CACNA1C: variants seen among roughly 807,000 people sequenced by gnomAD.
The protein encoded by CACNA1C is voltage-dependent L-type calcium channel subunit alpha-1C.
Under a neutral mutation model 229.0 loss-of-function variants are expected in CACNA1C, and 30 were observed. That is an observed-to-expected ratio of 0.13 (90% confidence interval 0.10 to 0.18). The LOEUF (loss-of-function observed/expected upper bound fraction) is 0.18, where lower values mean the gene tolerates loss of function less well. CACNA1C is among the 10% of genes least tolerant of loss of function. CACNA1C has a pLI of 1.00. For synonymous variants in CACNA1C, 1,114 were observed against 1,132.5 expected (o/e 0.98, Z 0.33); for missense variants, 1,658 against 2,845.0 (o/e 0.58, Z 9.49).
At chr12:2,483,323 A>G (rs980917810) in intron 5 of CACNA1C, among the ~76,000 whole-genome samples, 1 of 152,226 alleles carries the variant, frequency 6.6e-6, no homozygotes, top group African/African-American at 2.4e-5. Context: ...ACAAAGTGAC[A>G]TGTTCCAGTG....
intron 1 of CACNA1C, among the ~76,000 whole-genome samples, chr12:2,106,927 ACC>A (rs2079099159): frequency 2.0e-5 from 1 of 50,644 alleles, no homozygotes; most frequent in African/African-American, 6.3e-5. Flanking sequence ...GAGGGTTTCC[ACC>A]TCAGCTGGGG....
At chr12:2,457,454 G>A in intron 4 of CACNA1C, 113 bp from the exon 5 acceptor site, 1 of 1,140,156 alleles carries the variant, frequency 8.8e-7, no homozygotes, top group Middle Eastern at 2.1e-4. Context: ...CCCGCCCCTG[G>A]GCTGGAGACG....
At chr12:1,998,480 G>C (rs2041457403) in intron 1 of CACNA1C, among the ~76,000 whole-genome samples, 1 of 152,122 alleles carries the variant, frequency 6.6e-6, no homozygotes, top group Admixed American at 6.5e-5. Context: ...AGACAGAGAG[G>C]GCAATGATGC....
chr12:2,657,698 C>T (rs1379068608), intron 34 of CACNA1C, among the ~76,000 whole-genome samples: 1 of 152,100 alleles, frequency 6.6e-6, no homozygotes, highest in Non-Finnish European at 1.5e-5. Context: ...CTGATGTTGG[C>T]TTTAAGAAAT....
intron 3 of CACNA1C, among the ~76,000 whole-genome samples, chr12:2,427,008 T>C (rs757294756): frequency 2.2e-4 from 33 of 152,248 alleles, no homozygotes; most frequent in Non-Finnish European, 4.4e-4. Context: ...TAGACTCTGA[T>C]TCTGGAAAAG....
In CACNA1C at chr12:2,216,116, C is replaced by T. The variant is rs542979341; in HGVS notation, c.477+95686C>T. ...AAAACCACCAGAGGTCCCTGGGGCA[C>T]GCCAATTAACTAGCTGGGAGTCTTG... On this transcript the variant is annotated intron_variant, in intron 3 of 46. Coordinates refer to ENST00000399655, the MANE Select transcript of CACNA1C (RefSeq NM_000719.7). Among the ~76,000 whole-genome samples the T allele has an allele frequency of 9.9e-5, 15 of 152,242 alleles. No individual in the cohort carries two copies. In the East Asian group the frequency reaches 1.4e-3, roughly 14 times the overall value.
chr12:2,597,298 C>G lies in CACNA1C; in HGVS notation c.2853+9C>G, dbSNP rs774649223. On this transcript the variant is annotated intron_variant, in intron 21 of 46. Coordinates refer to ENST00000399655, the MANE Select transcript of CACNA1C (RefSeq NM_000719.7). This position sits in a 1 kb window ranked among gnomAD's most constrained non-coding sequence, Gnocchi z 4.3. Reference sequence around the variant, plus strand: ...TTGAAATTGCTCTGAAGGTAAAGCCCCCATCCCCTTCTGCTCCTCCTGTCC... The same window carrying G: ...TTGAAATTGCTCTGAAGGTAAAGCCGCCATCCCCTTCTGCTCCTCCTGTCC... 10 of 1,603,968 alleles carry G rather than the reference C, an allele frequency of 6.2e-6. No homozygotes were observed. Among genetic ancestry groups the G allele is most frequent in the Non-Finnish European group, 8.5e-6 (10 of 1,171,068 alleles).
chr12:2,128,400 T>C (rs2090995749), intron 3 of CACNA1C, among the ~76,000 whole-genome samples: 2 of 151,944 alleles, frequency 1.3e-5, no homozygotes, highest in South Asian at 4.1e-4. Flanking sequence ...TAGCCAAAGG[T>C]AAATACATTA....
chr12:2,298,375 C>T (rs922895672), intron 3 of CACNA1C, among the ~76,000 whole-genome samples: 7 of 152,098 alleles, frequency 4.6e-5, no homozygotes, highest in Non-Finnish European at 5.9e-5. Context: ...CTCGGCTCAC[C>T]GCAACCTCTG....
At chr12:2,543,797 C>T (rs924624346) in intron 9 of CACNA1C, among the ~76,000 whole-genome samples, 2 of 152,182 alleles carry the variant, frequency 1.3e-5, no homozygotes, top group Non-Finnish European at 2.9e-5. Context: ...TGGTCAAATT[C>T]AGGTTCATAA....
intron 3 of CACNA1C, among the ~76,000 whole-genome samples, chr12:2,372,947 G>A (rs2097911166): frequency 6.6e-6 from 1 of 152,248 alleles, no homozygotes; most frequent in African/African-American, 2.4e-5. Context: ...CAAGTCCGGT[G>A]CCGAGAAGCT....
intron 3 of CACNA1C, among the ~76,000 whole-genome samples, chr12:2,398,328 C>T (rs2098624024): frequency 6.6e-6 from 1 of 152,220 alleles, no homozygotes; most frequent in Non-Finnish European, 1.5e-5. Context: ...GTGAAGTTTG[C>T]ATTTTAAAAG....
intron 9 of CACNA1C, among the ~76,000 whole-genome samples, chr12:2,532,254 C>T (rs1568262436): frequency 6.6e-6 from 1 of 152,214 alleles, no homozygotes; most frequent in East Asian, 1.9e-4. Context: ...AACCAAGGAG[C>T]CAGCACTGAG....
In CACNA1C at chr12:1,998,076, T is replaced by C. The variant is rs1593356325; in HGVS notation, c.139+26875T>C. The C allele has an allele frequency of 1.7e-5, 17 of 991,782 alleles. No homozygotes were observed. In the East Asian group the frequency reaches 4.5e-4, roughly 26 times the overall value. 61.4% of individuals were successfully genotyped at this position (991,782 alleles called of 1,614,324 possible). Reference sequence around the variant, plus strand: ...GAATAGGAATTATATATAACTTCAATGGGCCAAATATACCCAACATGAGGA... The same window carrying C: ...GAATAGGAATTATATATAACTTCAACGGGCCAAATATACCCAACATGAGGA... On this transcript the variant is annotated intron_variant, in intron 1 of 46. Coordinates refer to the CACNA1C transcript ENST00000682462.
At chr12:2,661,533 G>A (rs1365113039) in intron 34 of CACNA1C, among the ~76,000 whole-genome samples, 2 of 151,978 alleles carry the variant, frequency 1.3e-5, no homozygotes, top group African/African-American at 4.8e-5. Flanking sequence ...AAGGCCCAAG[G>A]TTCAATATTT....
At chr12:2,420,149 A>T (rs1340537896) in intron 3 of CACNA1C, among the ~76,000 whole-genome samples, 41 of 80,914 alleles carry the variant, frequency 5.1e-4, no homozygotes, top group African/African-American at 2.3e-3. Context: ...GTGTGTGTGT[A>T]GGGGGAGGGA....
At chr12:2,628,233 C>A (rs2153541297) in intron 29 of CACNA1C, among the ~76,000 whole-genome samples, 1 of 152,298 alleles carries the variant, frequency 6.6e-6, no homozygotes, top group African/African-American at 2.4e-5. Context: ...AGTCCCCTCG[C>A]AGCTCTCCTG....
intron 3 of CACNA1C, among the ~76,000 whole-genome samples, chr12:2,276,828 T>C (rs1165475782): frequency 6.6e-6 from 1 of 151,712 alleles, no homozygotes; most frequent in African/African-American, 2.4e-5. Context: ...GAGGGTGGGG[T>C]AGCGGGGTAG....
At chr12:2,623,858 C>T (rs549542421) in intron 29 of CACNA1C, among the ~76,000 whole-genome samples, 1 of 152,334 alleles carries the variant, frequency 6.6e-6, no homozygotes, top group African/African-American at 2.4e-5. Context: ...CCACCCACCA[C>T]AGGAGCTTGT....
Sources: allele counts gnomAD v4.1 joint callset (sites outside exome capture counted in the v4.1 genomes callset), GRCh38; gene constraint gnomAD v4.1.1; non-coding constraint Gnocchi (gnomAD v3.1); transcripts MANE v1.5; gene names NCBI Gene and HGNC (gene_info 2026-07-23, HGNC 2026-07-21).